CD109: variants seen among roughly 807,000 people sequenced by gnomAD.
CD109 encodes the protein CD109 antigen.
A neutral mutation model predicts 165.8 loss-of-function variants in CD109; 149 were observed. The observed-to-expected ratio is 0.90, with a 90% CI of 0.79 to 1.03. The LOEUF (loss-of-function observed/expected upper bound fraction) is 1.03, where lower values mean the gene tolerates loss of function less well. CD109 is among the 50% of genes least tolerant of loss of function. The probability of loss-of-function intolerance (pLI) is 0.00; values close to 1 mark genes in which losing one functional copy is unlikely to be tolerated. For synonymous variants in CD109, 585 were observed against 592.1 expected (o/e 0.99, Z 0.18); for missense variants, 1,712 against 1,677.8 (o/e 1.02, Z -0.36).
At chr6:73,786,610 A>T (rs1002245652) in intron 20 of CD109, among the ~76,000 whole-genome samples, 1 of 152,006 alleles carries the variant, frequency 6.6e-6, no homozygotes, top group African/African-American at 2.4e-5. Flanking sequence ...TGGAAATGAT[A>T]ATTATTACAC....
At chr6:73,717,689 G>A (rs571698108) in intron 2 of CD109, among the ~76,000 whole-genome samples, 1 of 137,056 alleles carries the variant, frequency 7.3e-6, no homozygotes, top group African/African-American at 2.8e-5. Flanking sequence ...GCGCAATCTC[G>A]GCTCACTGCA....
intron 5 of CD109, among the ~76,000 whole-genome samples, chr6:73,750,188 G>T (rs1411572343): frequency 6.6e-6 from 1 of 152,092 alleles, no homozygotes; most frequent in Admixed American, 6.5e-5. Flanking sequence ...AGGAGCAAAA[G>T]GTACCTGGGA....
intron 32 of CD109, 43 bp from the exon 33 acceptor site, chr6:73,823,415 A>C (rs1199637358): frequency 6.7e-7 from 1 of 1,490,086 alleles, no homozygotes; most frequent in Non-Finnish European, 9.1e-7. Context: ...CAATGTTTCT[A>C]AACAAGGGAG....
intron 2 of CD109, among the ~76,000 whole-genome samples, chr6:73,700,665 G>T (rs577307168): frequency 1.3e-5 from 2 of 151,426 alleles, no homozygotes; most frequent in South Asian, 2.1e-4. Flanking sequence ...GAGTTCATTT[G>T]TTTGTTTGAC....
At chr6:73,785,680 C>A (rs1774661512) in intron 20 of CD109, among the ~76,000 whole-genome samples, 1 of 152,064 alleles carries the variant, frequency 6.6e-6, no homozygotes, top group South Asian at 2.1e-4. Context: ...CTACACATTA[C>A]CTCCTTGAAT....
chr6:73,695,857 G>C, upstream of CD109: 1 of 326,838 alleles, frequency 3.1e-6, no homozygotes, highest in Non-Finnish European at 5.8e-6. Flanking sequence ...TAGAGCGCTA[G>C]TGTAAACAGC....
chr6:73,813,360 T>C (rs1236779890), intron 29 of CD109, among the ~76,000 whole-genome samples: 1 of 152,192 alleles, frequency 6.6e-6, no homozygotes, highest in Non-Finnish European at 1.5e-5. Context: ...ATCACCAAGT[T>C]GGTTGGAATT....
intron 5 of CD109, among the ~76,000 whole-genome samples, chr6:73,743,617 C>G (rs1392914): frequency 2.0e-5 from 3 of 152,190 alleles, no homozygotes; most frequent in Non-Finnish European, 4.4e-5. Flanking sequence ...TTAAGTATCT[C>G]TGGAGCCGTT....
intron 2 of CD109, among the ~76,000 whole-genome samples, chr6:73,708,134 A>G (rs1368137901): frequency 1.3e-5 from 2 of 151,788 alleles, no homozygotes; most frequent in Non-Finnish European, 2.9e-5. Flanking sequence ...ATCTCCTAAT[A>G]CTATCCCTTC....
At chr6:73,728,279 C>T (rs1283604906) in intron 3 of CD109, among the ~76,000 whole-genome samples, 1 of 152,120 alleles carries the variant, frequency 6.6e-6, no homozygotes, top group African/African-American at 2.4e-5. Context: ...CACTGCACTC[C>T]AGCCTGGGCA....
chr6:73,823,311 C>A, intron 32 of CD109, 147 bp from the exon 33 acceptor site: 1 of 633,824 alleles, frequency 1.6e-6, no homozygotes, highest in Non-Finnish European at 2.7e-6. Flanking sequence ...CACTCTTGGA[C>A]ATTTCAGTTG....
chr6:73,718,398 CT>C (rs991265371), intron 2 of CD109, among the ~76,000 whole-genome samples: 1 of 151,922 alleles, frequency 6.6e-6, no homozygotes, highest in African/African-American at 2.4e-5. Flanking sequence ...TCATATATGG[CT>C]TTTTTTATGT....
At chr6:73,738,242 T>G (rs1772621711) in intron 5 of CD109, among the ~76,000 whole-genome samples, 1 of 152,248 alleles carries the variant, frequency 6.6e-6, no homozygotes. Context: ...CATGGTCTGC[T>G]CTGTTCTCCT....
chr6:73,696,083 A>C, upstream of CD109: 1 of 787,370 alleles, frequency 1.3e-6, no homozygotes, highest in Non-Finnish European at 2.1e-6. Flanking sequence ...CTCTGCTGTT[A>C]GGCGCGCCCA....
At chr6:73,749,494 G>T (rs1270229003) in intron 5 of CD109, among the ~76,000 whole-genome samples, 1 of 152,110 alleles carries the variant, frequency 6.6e-6, no homozygotes, top group Admixed American at 6.5e-5. Context: ...GAGAAAGGTG[G>T]GGAAGTTTGT....
intron 14 of CD109, among the ~76,000 whole-genome samples, chr6:73,769,859 A>G (rs968412863): frequency 6.6e-6 from 1 of 152,212 alleles, no homozygotes; most frequent in Non-Finnish European, 1.5e-5. Flanking sequence ...AGTAACCTAC[A>G]TACAGTGGTT....
At chr6:73,704,208 C>G (rs1391305311) in intron 2 of CD109, among the ~76,000 whole-genome samples, 1 of 151,838 alleles carries the variant, frequency 6.6e-6, no homozygotes, top group African/African-American at 2.4e-5. Flanking sequence ...AGAATCTAAC[C>G]TTTATGTTCC....
At chr6:73,708,010 T>TTTATTATAC (rs1771362054) in intron 2 of CD109, among the ~76,000 whole-genome samples, 1 of 120,870 alleles carries the variant, frequency 8.3e-6, no homozygotes, top group East Asian at 2.5e-4. Flanking sequence ...ATATATATAT[T>TTTATTATAC]TATTATACTT....
rs1776207290 is a variant in CD109, at chr6:73,824,295, G to A, written c.*662G>A. The stretch of plus-strand genomic sequence containing the variant: ...ATGTGAGGGGCAGTACATTTACTGT[G>A]CTTTTCACACCATCTCAGAGGTTGA... On this transcript the variant is annotated 3_prime_UTR_variant, in exon 33 of 33. Coordinates refer to ENST00000287097, the MANE Select transcript of CD109 (RefSeq NM_133493.5). The A allele has an allele frequency of 6.6e-6, 1 of 151,994 alleles. No homozygotes were observed. The highest frequency in any genetic ancestry group is 2.4e-5 in the African/African-American group (1 of 41,352). The allele number at this position is 151,994 out of a possible 1,614,324, so 9.4% of individuals were successfully genotyped here.
Sources: allele counts gnomAD v4.1 joint callset (sites outside exome capture counted in the v4.1 genomes callset), GRCh38; gene constraint gnomAD v4.1.1; transcripts MANE v1.5; gene names NCBI Gene and HGNC (gene_info 2026-07-23, HGNC 2026-07-21).